IGF2BP1: variants seen among roughly 807,000 people sequenced by gnomAD.
IGF2BP1 encodes insulin-like growth factor 2 mRNA-binding protein 1.
IGF2BP1 carries 11 observed loss-of-function variants against 74.9 expected under a neutral mutation model. The ratio of observed to expected loss-of-function variants is 0.15; its 90% CI spans 0.09 to 0.24. The LOEUF (loss-of-function observed/expected upper bound fraction) is 0.24. Ranked by LOEUF, IGF2BP1 falls within the 10% of genes least tolerant of loss-of-function variation. IGF2BP1 has a pLI of 1.00. For synonymous variants in IGF2BP1, 287 were observed against 281.8 expected (o/e 1.02, Z -0.18); for missense variants, 440 against 757.4 (o/e 0.58, Z 4.92).
intron 5 of IGF2BP1, among the ~76,000 whole-genome samples, chr17:49,034,818 G>C (rs1420381692): frequency 6.6e-6 from 1 of 151,902 alleles, no homozygotes; most frequent in East Asian, 1.9e-4. Context: ...AATCCACAGA[G>C]GTGGATTCAA....
At chr17:49,042,801 C>A (rs542642879) in intron 9 of IGF2BP1, among the ~76,000 whole-genome samples, 2 of 152,192 alleles carry the variant, frequency 1.3e-5, no homozygotes, top group African/African-American at 4.8e-5. Flanking sequence ...TTCAGCCTCC[C>A]AAGTACCTAG....
At position 49,002,699 on chromosome 17, in the gene IGF2BP1, AT is replaced by A. The variant is rs60312699; in HGVS notation, c.236+3546del. Reference sequence around the variant, plus strand: ...GTTTTCTTATTAATATTAGGTTAGAATTTTTTTTTTTTTTTTGCTTTACATA... The same window carrying A: ...GTTTTCTTATTAATATTAGGTTAGAATTTTTTTTTTTTTTTGCTTTACATA... On this transcript the variant is annotated intron_variant, in intron 2 of 14. Coordinates refer to ENST00000290341, the MANE Select transcript of IGF2BP1 (RefSeq NM_006546.4). Among the ~76,000 whole-genome samples, 1,064 of 138,952 alleles carry A rather than the reference AT, an allele frequency of 7.7e-3. 2 individuals carry two copies. Among genetic ancestry groups the A allele is most frequent in the African/African-American group, 0.011 (402 of 37,924 alleles). 91.2% of individuals were successfully genotyped at this position (138,952 alleles called of 152,430 possible).
intron 13 of IGF2BP1, 46 bp downstream of exon 13, chr17:49,046,067 A>G (rs1321508756): frequency 8.1e-6 from 13 of 1,604,664 alleles, no homozygotes; most frequent in South Asian, 1.1e-5. Context: ...TTGGTCTCCA[A>G]TCTCAGCAGC....
At chr17:49,019,995 T>G in intron 2 of IGF2BP1, among the ~76,000 whole-genome samples, 1 of 47,952 alleles carries the variant, frequency 2.1e-5, no homozygotes. Flanking sequence ...CACATATATA[T>G]ACACACACAC....
intron 2 of IGF2BP1, among the ~76,000 whole-genome samples, chr17:49,016,783 C>G (rs1046421961): frequency 4.9e-5 from 7 of 143,476 alleles, no homozygotes; most frequent in African/African-American, 1.8e-4. Flanking sequence ...ACTCGACAGC[C>G]CGCCAGCCCG....
At chr17:49,049,246 G>A (rs2042139550) in intron 14 of IGF2BP1, 106 bp from the exon 15 acceptor site, 2 of 837,352 alleles carry the variant, frequency 2.4e-6, no homozygotes, top group Non-Finnish European at 3.9e-6. Flanking sequence ...AGTCCTGTGT[G>A]ACCTGTTCTG....
At chr17:49,026,870 A>G (rs1241177946) in intron 4 of IGF2BP1, among the ~76,000 whole-genome samples, 1 of 152,106 alleles carries the variant, frequency 6.6e-6, no homozygotes, top group African/African-American at 2.4e-5. Flanking sequence ...TAGCCTCCTA[A>G]GTAGCTGGGA....
Position 49,055,170 on chromosome 17 carries a change from T to C in IGF2BP1, c.*5726T>C, listed in dbSNP as rs1337031842. The C allele has an allele frequency of 6.8e-6, 1 of 146,838 alleles. No homozygotes were observed. The highest frequency in any genetic ancestry group is 1.5e-5 in the Non-Finnish European group (1 of 66,308). The allele number at this position is 146,838 out of a possible 1,614,324, so 9.1% of individuals were successfully genotyped here. ...AAAAAAAAAAACCAAAAAAAAAAAT[T>C]TTTTTTTAAAAGGGAGACATTTTCC... On this transcript the variant is annotated 3_prime_UTR_variant, in exon 15 of 15. Coordinates refer to ENST00000290341, the MANE Select transcript of IGF2BP1 (RefSeq NM_006546.4).
intron 5 of IGF2BP1, chr17:49,036,529 T>G (rs976317524): frequency 7.3e-5 from 11 of 151,146 alleles, no homozygotes; most frequent in Admixed American, 3.3e-4. Context: ...TGCATGTTTG[T>G]TTTTTTTTGT....
rs1471085436 is a variant in IGF2BP1, at chr17:49,056,136, T to C, written c.*6692T>C. On this transcript the variant is annotated 3_prime_UTR_variant, in exon 15 of 15. Coordinates refer to ENST00000290341, the MANE Select transcript of IGF2BP1 (RefSeq NM_006546.4). ...TTTCAAAATAAAAGGAAACTTATAT[T>C]GAAAGACAAGTATGTCTGTGTCTCA... Among the ~76,000 whole-genome samples, 1 of 152,106 alleles carries C rather than the reference T, an allele frequency of 6.6e-6. No homozygotes were observed. The highest frequency in any genetic ancestry group is 2.1e-4 in the South Asian group (1 of 4,822).
At chr17:49,006,051 CTG>C (rs1317825023) in intron 2 of IGF2BP1, among the ~76,000 whole-genome samples, 3 of 152,150 alleles carry the variant, frequency 2.0e-5, no homozygotes, top group Non-Finnish European at 2.9e-5. Context: ...AACAGCGAGA[CTG>C]TGTCTCAAAC....
chr17:49,055,862 T>C lies in IGF2BP1; in HGVS notation c.*6418T>C, dbSNP rs2042224728. On this transcript the variant is annotated 3_prime_UTR_variant, in exon 15 of 15. Transcript: ENST00000290341. ...TTTTTTTTTTTTTTTTTTTTTTAAA[T>C]ATGAGTGCTAGCTTATTCTGTAATT... Among the ~76,000 whole-genome samples the C allele has an allele frequency of 7.9e-6, 1 of 126,178 alleles. No homozygotes were observed. The highest frequency in any genetic ancestry group is 2.1e-4 in the East Asian group (1 of 4,716). 82.8% of individuals were successfully genotyped at this position (126,178 alleles called of 152,430 possible).
At chr17:49,027,856 A>G (rs1442264151) in intron 4 of IGF2BP1, among the ~76,000 whole-genome samples, 10 of 65,156 alleles carry the variant, frequency 1.5e-4, no homozygotes, top group African/African-American at 4.9e-4. Context: ...TGTCTCAGAA[A>G]AAAAAAAAAA....
rs2144165648 is a variant in IGF2BP1, at chr17:49,050,158, C to A, written c.*714C>A. On this transcript the variant is annotated 3_prime_UTR_variant, in exon 15 of 15. Transcript: ENST00000290341. ...CACTTGTGGCTGATCTATGCCAGATCACCATCTTCAAATTGGCACAACTGA... is the reference window on the plus strand; with the variant it reads ...CACTTGTGGCTGATCTATGCCAGATAACCATCTTCAAATTGGCACAACTGA... The A allele has an allele frequency of 6.5e-6, 1 of 152,674 alleles. No homozygotes were observed. Among genetic ancestry groups the A allele is most frequent in the African/African-American group, 2.4e-5 (1 of 41,554 alleles). 9.5% of individuals were successfully genotyped at this position (152,674 alleles called of 1,614,324 possible).
At chr17:49,021,507 C>T (rs926919183) in intron 2 of IGF2BP1, among the ~76,000 whole-genome samples, 1 of 152,224 alleles carries the variant, frequency 6.6e-6, no homozygotes, top group South Asian at 2.1e-4. Context: ...CAAGCTGCCG[C>T]CCCCGTCCCC....
intron 2 of IGF2BP1, among the ~76,000 whole-genome samples, chr17:49,025,151 C>T (rs1468555128): frequency 6.6e-6 from 1 of 152,136 alleles, no homozygotes; most frequent in African/African-American, 2.4e-5. Context: ...GAGATCGCAC[C>T]ATTGCACTCC....
chr17:49,016,103 G>A (rs1212944429), intron 2 of IGF2BP1, among the ~76,000 whole-genome samples: 1 of 152,196 alleles, frequency 6.6e-6, no homozygotes, highest in Non-Finnish European at 1.5e-5. Context: ...TACAGAATAT[G>A]GGCACTTTTC....
At chr17:49,003,692 T>C (rs937550495) in intron 2 of IGF2BP1, among the ~76,000 whole-genome samples, 1 of 149,672 alleles carries the variant, frequency 6.7e-6, no homozygotes, top group Non-Finnish European at 1.5e-5. Context: ...GATGGGAGTG[T>C]TAGGGAGAGA....
In IGF2BP1 at chr17:49,049,731, C is replaced by G; in HGVS notation, c.*287C>G. ...TTTAAAGAAGCTCTCCAGGCCCCAC[C>G]AAGAGGGTGGATCACACCTCAGTGG... On this transcript the variant is annotated 3_prime_UTR_variant, in exon 15 of 15. Transcript: ENST00000290341. 3.1e-6 allele frequency: 1 copy of G among 320,908 alleles called. No homozygotes were observed. Among genetic ancestry groups the G allele is most frequent in the Non-Finnish European group, 5.8e-6 (1 of 172,492 alleles). The allele number at this position is 320,908 out of a possible 1,614,324, so 19.9% of individuals were successfully genotyped here. A position where few individuals can be genotyped will look rare whatever the true frequency, so the allele number is the denominator to read the frequency against.
Sources: gnomAD v4.1 joint callset for allele counts (sites outside exome capture counted in the v4.1 genomes callset) on GRCh38, gnomAD v4.1.1 for gene constraint, MANE v1.5 for transcripts, NCBI Gene and HGNC (gene_info 2026-07-23, HGNC 2026-07-21) for gene names.